Variants in HIVEP1 observed in about 807,000 individuals in gnomAD.
The protein encoded by HIVEP1 is zinc finger protein 40.
Under a neutral mutation model 180.0 loss-of-function variants are expected in HIVEP1, and 36 were observed. The observed-to-expected ratio is 0.20, with a 90% CI of 0.15 to 0.26. The LOEUF is 0.26. HIVEP1 is among the 10% of genes least tolerant of loss of function. The pLI, the probability that HIVEP1 is intolerant of heterozygous loss-of-function variation, is 1.00. For missense variants in HIVEP1, 3,143 were observed against 3,268.7 expected (o/e 0.96, Z 0.94); for synonymous variants, 1,239 against 1,239.0 (o/e 1.00, Z 0.00).
At chr6:12,108,484 G>A (rs1165651488) in intron 3 of HIVEP1, among the ~76,000 whole-genome samples, 3 of 152,252 alleles carry the variant, frequency 2.0e-5, no homozygotes, top group Admixed American at 6.5e-5. Flanking sequence ...AGCCCACGGA[G>A]GGGGTGGGAG....
the HIVEP1 span, among the ~76,000 whole-genome samples, chr6:12,186,508 T>A: frequency 6.8e-6 from 1 of 146,438 alleles, no homozygotes; most frequent in Admixed American, 6.9e-5. Flanking sequence ...GTGGTGATGG[T>A]GACACAATTC....
At chr6:12,026,334 A>G (rs759333559) in intron 2 of HIVEP1, among the ~76,000 whole-genome samples, 18 of 152,218 alleles carry the variant, frequency 1.2e-4, no homozygotes, top group Non-Finnish European at 2.2e-4. Flanking sequence ...GGAGGAGTCA[A>G]CTTTCTTCTT....
intron 4 of HIVEP1, among the ~76,000 whole-genome samples, chr6:12,126,899 C>G (rs991392909): frequency 1.3e-5 from 2 of 152,082 alleles, no homozygotes; most frequent in Non-Finnish European, 2.9e-5. Context: ...CACTCTGTCA[C>G]CCAGGCTGGA....
chr6:12,071,480 TTCA>T (rs1216702131), intron 2 of HIVEP1, among the ~76,000 whole-genome samples: 3 of 152,250 alleles, frequency 2.0e-5, no homozygotes, highest in African/African-American at 7.2e-5. Flanking sequence ...TATACCCTTC[TTCA>T]TGTTCTTTCC....
At chr6:12,092,305 C>A (rs1773525738) in intron 3 of HIVEP1, among the ~76,000 whole-genome samples, 1 of 152,122 alleles carries the variant, frequency 6.6e-6, no homozygotes, top group Non-Finnish European at 1.5e-5. Flanking sequence ...TGAGTTTGAA[C>A]TTTTAAATGA....
chr6:12,133,172 T>C (rs1758518811), intron 6 of HIVEP1, among the ~76,000 whole-genome samples: 1 of 152,214 alleles, frequency 6.6e-6, no homozygotes, highest in Non-Finnish European at 1.5e-5. Flanking sequence ...TACAAATCCA[T>C]AATTCATTAT....
Position 12,164,283 on chromosome 6 carries a change from C to T in HIVEP1, c.7979C>T (p.Thr2660Met), listed in dbSNP as rs762472721. ...TCCATACAGGGCCAACCAGCGTCCA[C>T]GTCACAACCTCTGCTGAAGGCACAT... ...LTSIQGQPAS[T>M]SQPLLKAHSE... The change falls in exon 9 of 9, where the codon ACG becomes ATG. Residue 2660 changes from threonine to methionine, a missense_variant. Coordinates refer to ENST00000379388, the MANE Select transcript of HIVEP1 (RefSeq NM_002114.4). The T allele has an allele frequency of 5.0e-6, 8 of 1,614,076 alleles. No homozygotes were observed. Among genetic ancestry groups the T allele is most frequent in the East Asian group, 4.5e-5 (2 of 44,856 alleles).
At position 12,124,315 on chromosome 6, in the gene HIVEP1, A is replaced by C. The variant is rs960679053; in HGVS notation, c.4520A>C (p.Gln1507Pro). 6.2e-7 allele frequency: 1 copy of C among 1,613,958 alleles called. No individual in the cohort carries two copies. Among genetic ancestry groups the C allele is most frequent in the African/African-American group, 1.3e-5 (1 of 74,914 alleles). ...AGCTCTACCAACGTTTTTCCTGTTC[A>C]ACAGCTCTGTGATATCAATTTGTTA... The part of the protein sequence containing the change: ...NSSSTNVFPV[Q>P]QLCDINLLNQ... The change falls in exon 4 of 9, where the codon CAA (glutamine) becomes CCA (proline). Residue 1507 changes from glutamine to proline, a missense_variant. Transcript: ENST00000379388.
chr6:12,085,887 T>C (rs1773085919), intron 2 of HIVEP1, among the ~76,000 whole-genome samples: 1 of 152,184 alleles, frequency 6.6e-6, no homozygotes, highest in East Asian at 1.9e-4. Context: ...TATTATTTCT[T>C]AACGGCTCTA....
intron 7 of HIVEP1, among the ~76,000 whole-genome samples, chr6:12,154,715 G>C (rs1338436694): frequency 6.6e-6 from 1 of 152,114 alleles, no homozygotes; most frequent in Non-Finnish European, 1.5e-5. Flanking sequence ...TAGAAGACGG[G>C]TTGATGGGTG....
intron 7 of HIVEP1, among the ~76,000 whole-genome samples, chr6:12,140,128 C>T (rs1024082329): frequency 3.3e-5 from 5 of 152,128 alleles, no homozygotes; most frequent in South Asian, 2.1e-4. Flanking sequence ...CCCTCTGGGG[C>T]GAAGCTTCCA....
rs573591116 is a variant in HIVEP1 at position 12,149,665 on chromosome 6, G to A, written c.6488-11774G>A. Among the ~76,000 whole-genome samples the A allele has an allele frequency of 3.3e-5, 5 of 152,212 alleles. No homozygotes were observed. The East Asian group carries it at 9.6e-4, about 29-fold the overall frequency. On this transcript the variant is annotated intron_variant, in intron 7 of 8. Coordinates refer to ENST00000379388, the MANE Select transcript of HIVEP1 (RefSeq NM_002114.4). ...GTGCATTGTTTTGTTTTTCACTAAAGGTTTTCTCCATATTTCTTTCTAATT... is the reference window on the plus strand; with the variant it reads ...GTGCATTGTTTTGTTTTTCACTAAAAGTTTTCTCCATATTTCTTTCTAATT...
rs555400511 is a variant in HIVEP1, at chr6:12,041,879, T to G, written c.40+26211T>G. On this transcript the variant is annotated intron_variant, in intron 2 of 8. Coordinates refer to ENST00000379388, the MANE Select transcript of HIVEP1 (RefSeq NM_002114.4). Reference sequence around the variant, plus strand: ...TTTCACCGTGTTAGCTAGGATGGTCTTGATCTCCTGACCTTGTGATCCGCC... The same window carrying G: ...TTTCACCGTGTTAGCTAGGATGGTCGTGATCTCCTGACCTTGTGATCCGCC... Among the ~76,000 whole-genome samples, 103 of 152,160 alleles carry G rather than the reference T, an allele frequency of 6.8e-4. 1 individual carries two copies. The highest frequency in any genetic ancestry group is 2.4e-3 in the African/African-American group (100 of 41,452).
chr6:12,096,365 T>A (rs1773782270), intron 3 of HIVEP1, among the ~76,000 whole-genome samples: 2 of 151,992 alleles, frequency 1.3e-5, no homozygotes, highest in South Asian at 4.1e-4. Flanking sequence ...ATTTATGCCC[T>A]GAAATATGCT....
At chr6:12,055,001 T>C (rs1384289914) in intron 2 of HIVEP1, among the ~76,000 whole-genome samples, 1 of 152,266 alleles carries the variant, frequency 6.6e-6, no homozygotes, top group East Asian at 1.9e-4. Context: ...GTCAGACTTC[T>C]GTGCAGAACA....
intron 2 of HIVEP1, among the ~76,000 whole-genome samples, chr6:12,041,809 G>A (rs1238611093): frequency 6.6e-6 from 1 of 151,116 alleles, no homozygotes; most frequent in Non-Finnish European, 1.5e-5. Context: ...AAAGTTCCAT[G>A]CCACCATGCC....
At chr6:12,170,412 T>G in the HIVEP1 span, among the ~76,000 whole-genome samples, 1 of 152,086 alleles carries the variant, frequency 6.6e-6, no homozygotes, top group Non-Finnish European at 1.5e-5. Flanking sequence ...TGGAGGAGAA[T>G]CCGTATTTAT....
chr6:12,024,897 C>G (rs1768476532), intron 2 of HIVEP1, among the ~76,000 whole-genome samples: 1 of 152,180 alleles, frequency 6.6e-6, no homozygotes, highest in African/African-American at 2.4e-5. Context: ...TCATTTAGTT[C>G]AGCCTCCTCA....
intron 7 of HIVEP1, among the ~76,000 whole-genome samples, chr6:12,153,382 A>G (rs114518101): frequency 0.011 from 1,730 of 152,278 alleles, 44 homozygotes; most frequent in African/African-American, 0.04. Flanking sequence ...TTTAAAAGTA[A>G]TTAACTGCAT....
Sources: gnomAD v4.1 joint callset for allele counts (sites outside exome capture counted in the v4.1 genomes callset) on GRCh38, gnomAD v4.1.1 for gene constraint, MANE v1.5 for transcripts, NCBI Gene and HGNC (gene_info 2026-07-23, HGNC 2026-07-21) for gene names.